FHAD1: variants seen among roughly 807,000 people sequenced by gnomAD.
FHAD1 encodes the protein forkhead associated phosphopeptide binding domain 1.
FHAD1 carries 146 observed loss-of-function variants against 191.3 expected under a neutral mutation model. The observed-to-expected ratio is 0.76, with a 90% CI of 0.67 to 0.88. The LOEUF (loss-of-function observed/expected upper bound fraction) is 0.88. Among genes scored for constraint, FHAD1 ranks in the 40% least tolerant of loss-of-function variants. FHAD1 has a pLI of 0.00. For synonymous variants in FHAD1, 616 were observed against 672.3 expected, an observed-to-expected ratio of 0.92 and a Z score of 1.29; for missense variants, 1,635 against 1,785.8, an observed-to-expected ratio of 0.92 and a Z score of 1.52.
intron 10 of FHAD1, among the ~76,000 whole-genome samples, chr1:15,319,796 A>G (rs1235332185): frequency 6.6e-6 from 1 of 152,242 alleles, no homozygotes; most frequent in Admixed American, 6.5e-5. Flanking sequence ...TAATTTGCCT[A>G]CAAAAGAACT....
rs908933786 is a variant in FHAD1 at position 15,327,150 on chromosome 1, T to C, written c.1557+8T>C. 1 of 1,541,948 alleles carries C rather than the reference T, an allele frequency of 6.5e-7. No homozygotes were observed. The highest frequency in any genetic ancestry group is 1.4e-5 in the African/African-American group (1 of 73,002). On this transcript the variant is annotated splice_region_variant and intron_variant, in intron 12 of 33. Transcript: ENST00000688493. The surrounding 1 kb of genome is among the most constrained non-coding windows in gnomAD (Gnocchi z 5.1). ...CCCGTCACCGACCAACAGGTTAGTCTGCCGTCCCTGCCACGTGGCTCCTTC... is the reference window on the plus strand; with the variant it reads ...CCCGTCACCGACCAACAGGTTAGTCCGCCGTCCCTGCCACGTGGCTCCTTC...
intron 24 of FHAD1, 81 bp downstream of exon 24, chr1:15,366,014 G>C: frequency 1.0e-6 from 1 of 982,764 alleles, no homozygotes; most frequent in Non-Finnish European, 1.6e-6. Flanking sequence ...TCGGCCGGGC[G>C]CAGTGGCGCA....
At chr1:15,240,200 TGA>T in intron 1 of FHAD1, among the ~76,000 whole-genome samples, 1 of 152,244 alleles carries the variant, frequency 6.6e-6, no homozygotes, top group South Asian at 2.1e-4. Flanking sequence ...CTGACTTTGA[TGA>T]GGCAAGCCAA....
chr1:15,352,224 G>A (rs1473603690), intron 19 of FHAD1, among the ~76,000 whole-genome samples: 12 of 152,206 alleles, frequency 7.9e-5, no homozygotes, highest in Non-Finnish European at 7.4e-5. Flanking sequence ...GTTGGTGCGG[G>A]GGAGGTGTAT....
At chr1:15,391,176 G>A in intron 32 of FHAD1, 34 bp from the exon 33 acceptor site, 1 of 1,198,008 alleles carries the variant, frequency 8.3e-7, no homozygotes, top group South Asian at 1.4e-5. Context: ...AGGAATCTAA[G>A]CTAGATTTTG....
At chr1:15,398,758 C>T (rs1383327957), downstream of FHAD1, among the ~76,000 whole-genome samples, 2 of 149,420 alleles carry the variant, frequency 1.3e-5, no homozygotes, top group African/African-American at 4.9e-5. Context: ...CGTGCCCTCA[C>T]TGCCATTCTT....
chr1:15,252,019 C>G (rs879148316), intron 2 of FHAD1, 142 bp downstream of exon 2: 1 of 707,932 alleles, frequency 1.4e-6, no homozygotes, highest in Non-Finnish European at 2.4e-6. Context: ...GGTGTGCTAC[C>G]AATAGCCAGT....
chr1:15,369,599 C>A, intron 26 of FHAD1, 97 bp downstream of exon 26: 2 of 1,374,406 alleles, frequency 1.5e-6, no homozygotes, highest in Non-Finnish European at 1.0e-6. Flanking sequence ...TTCTAAGTTC[C>A]AAAAGTATGG....
At chr1:15,251,673 A>T in intron 1 of FHAD1, 98 bp from the exon 2 acceptor site, 1 of 926,230 alleles carries the variant, frequency 1.1e-6, no homozygotes, top group Non-Finnish European at 1.6e-6. Context: ...CACTTTGGAC[A>T]TGACTCTGTG....
rs1009115318 is a variant in FHAD1 at position 15,328,311 on chromosome 1, A to G, written c.1592A>G (p.Asn531Ser). The change falls in exon 13 of 34, where the codon AAC becomes AGC. Residue 531 changes from asparagine to serine, a missense_variant. Asn to Ser is a conservative substitution (Grantham distance 46). Coordinates refer to ENST00000688493, the MANE Select transcript of FHAD1 (RefSeq NM_001391957.1). ...IEKITQVTED[N>S]INFQQKKWTL... ...AAAATTACCCAGGTCACTGAGGACA[A>G]CATCAATTTTCAGCAGAAAAAGTGG... 1.9e-6 allele frequency: 3 copies of G among 1,542,206 alleles called. No homozygotes were observed. The highest frequency in any genetic ancestry group is 2.6e-6 in the Non-Finnish European group (3 of 1,143,994).
chr1:15,309,677 A>G (rs1341313309), intron 7 of FHAD1, among the ~76,000 whole-genome samples: 3 of 145,108 alleles, frequency 2.1e-5, no homozygotes, highest in Non-Finnish European at 4.5e-5. Context: ...TTTTTTAGCG[A>G]TTTTTTTTTT....
intron 20 of FHAD1, among the ~76,000 whole-genome samples, chr1:15,357,555 G>A (rs76680124): frequency 0.031 from 4,756 of 151,308 alleles, 161 homozygotes; most frequent in African/African-American, 0.087. Context: ...CCTGGGAGGC[G>A]GAGGTTGCAG....
At chr1:15,394,059 G>A (rs1245766518) in intron 33 of FHAD1, among the ~76,000 whole-genome samples, 26 of 152,108 alleles carry the variant, frequency 1.7e-4, no homozygotes, top group African/African-American at 9.7e-5. Context: ...TTAAATGACC[G>A]GCTTCTACCC....
At chr1:15,273,523 A>G (rs1166164632) in intron 3 of FHAD1, among the ~76,000 whole-genome samples, 1 of 152,146 alleles carries the variant, frequency 6.6e-6, no homozygotes, top group Non-Finnish European at 1.5e-5. Context: ...GAACAGCTTT[A>G]TAGAAGTATA....
upstream of FHAD1, among the ~76,000 whole-genome samples, chr1:15,244,394 G>A (rs1158328857): frequency 6.6e-6 from 1 of 152,152 alleles, no homozygotes; most frequent in Non-Finnish European, 1.5e-5. This position sits in a 1 kb window ranked among gnomAD's most constrained non-coding sequence, Gnocchi z 5.1. Flanking sequence ...CCTGGTGAGG[G>A]GCATGGGCTG....
chr1:15,338,603 G>A (rs140834658), intron 14 of FHAD1, among the ~76,000 whole-genome samples: 19 of 152,222 alleles, frequency 1.2e-4, no homozygotes, highest in Middle Eastern at 3.4e-3. Context: ...ACCTGGAATC[G>A]TAGGGGGTCA....
chr1:15,323,604 C>T (rs776209732), intron 10 of FHAD1, among the ~76,000 whole-genome samples: 1 of 152,172 alleles, frequency 6.6e-6, no homozygotes, highest in African/African-American at 2.4e-5. Context: ...ACAAAATCCT[C>T]TCATCTAGGA....
intron 23 of FHAD1, among the ~76,000 whole-genome samples, 152 bp from the exon 24 acceptor site, chr1:15,365,675 T>A (rs1696209759): frequency 1.3e-5 from 2 of 151,726 alleles, no homozygotes; most frequent in South Asian, 4.2e-4. Flanking sequence ...TCTTTTAGAG[T>A]TTTTGAAGAC....
At chr1:15,241,381 G>A (rs996537632) in intron 1 of FHAD1, among the ~76,000 whole-genome samples, 14 of 152,180 alleles carry the variant, frequency 9.2e-5, no homozygotes, top group African/African-American at 2.7e-4. Flanking sequence ...CTGGCCAGGC[G>A]CAGTGGCTCA....
Sources: allele counts gnomAD v4.1 joint callset (sites outside exome capture counted in the v4.1 genomes callset), GRCh38; gene constraint gnomAD v4.1.1; non-coding constraint Gnocchi (gnomAD v3.1); transcripts MANE v1.5; gene names NCBI Gene and HGNC (gene_info 2026-07-23, HGNC 2026-07-21).